Variants in KSR1 observed in about 807,000 individuals in gnomAD.
KSR1 encodes kinase suppressor of ras.
In KSR1, 35 loss-of-function variants were observed where a neutral mutation model predicts 92.9. The observed-to-expected ratio is 0.38, with a 90% CI of 0.29 to 0.50. KSR1 has a LOEUF of 0.50. KSR1 is among the 20% of genes least tolerant of loss of function. The pLI is 0.94. For synonymous variants in KSR1, 467 were observed against 472.6 expected, an observed-to-expected ratio of 0.99 and a Z score of 0.15; for missense variants, 972 against 1,158.5, an observed-to-expected ratio of 0.84 and a Z score of 2.34.
chr17:27,488,090 C>T (rs912199215), intron 1 of KSR1, among the ~76,000 whole-genome samples: 1 of 152,216 alleles, frequency 6.6e-6, no homozygotes, highest in African/African-American at 2.4e-5. Flanking sequence ...TTCATAACAG[C>T]TTTTAGAGAT....
chr17:27,456,660 T>C lies in KSR1; in HGVS notation c.17T>C (p.Leu6Pro). 1.6e-6 allele frequency: 1 copy of C among 644,144 alleles called. No individual in the cohort carries two copies. Among genetic ancestry groups the C allele is most frequent in the Admixed American group, 2.8e-5 (1 of 36,138 alleles). The allele number at this position is 644,144 out of a possible 1,614,324, so 39.9% of individuals were successfully genotyped here. A position where few individuals can be genotyped will look rare whatever the true frequency, so the allele number is the denominator to read the frequency against. ...TGCCGAGGCATGGATAGAGCAGCGC[T>C]GCGCGCGGCGGCGATGGGAGAGAAG... is the stretch of plus-strand genomic sequence containing the variant. MDRAA[L>P]RAAAMGEKKE... The change falls in exon 1 of 21, where the codon CTG becomes CCG. Residue 6 changes from leucine (L) to proline (P), a missense_variant. Coordinates refer to ENST00000644974, the MANE Select transcript of KSR1 (RefSeq NM_001394583.1).
At chr17:27,493,495 C>T (rs780684302) in intron 1 of KSR1, among the ~76,000 whole-genome samples, 5 of 152,292 alleles carry the variant, frequency 3.3e-5, no homozygotes, top group East Asian at 3.9e-4. Context: ...TGACCCTGCC[C>T]CGTGGTGCTC....
chr17:27,603,615 G>A (rs1188943769), intron 11 of KSR1, among the ~76,000 whole-genome samples: 1 of 152,186 alleles, frequency 6.6e-6, no homozygotes, highest in African/African-American at 2.4e-5. Flanking sequence ...CCCTTCCTGA[G>A]ACACAGCTGT....
In KSR1 at chr17:27,582,960, C is replaced by G. The variant is rs764316477; in HGVS notation, c.835C>G (p.Arg279Gly). The change falls in exon 4 of 21, where the codon CGG becomes GGG. Residue 279 changes from arginine (R) to glycine (G), a missense_variant. Physicochemically the swap from Arg to Gly is moderately radical, Grantham distance 125 (BLOSUM62 -2). This residue lies in a region of KSR1 where 611 missense variants were observed against 668.0 expected (regional missense o/e 0.91). Transcript: ENST00000644974. ...ITPPTTPQLRRHTKLKPPRTP... is the reference protein window; with the variant it reads ...ITPPTTPQLRGHTKLKPPRTP... ...CCCGCCCACCACACCCCAGCTGCGA[C>G]GGCACACCAAGCTGAAGCCACCACG... The G allele has an allele frequency of 7.5e-6, 12 of 1,607,344 alleles. No individual in the cohort carries two copies. The highest frequency in any genetic ancestry group is 1.0e-5 in the Non-Finnish European group (12 of 1,176,646).
At position 27,508,709 on chromosome 17, in the gene KSR1, T is replaced by TTTTTTTTATTTATTTA. The variant is rs1555572323; in HGVS notation, c.232-41856_232-41855insTTTTATTTATTTATTT. On this transcript the variant is annotated intron_variant, in intron 1 of 20. Coordinates refer to ENST00000644974, the MANE Select transcript of KSR1 (RefSeq NM_001394583.1). The stretch of plus-strand genomic sequence containing the variant: ...TTTCCTAGGTTTGGGCCTGAATTTT[T>TTTTTTTTATTTATTTA]TTTATTTATTTATTTATTTATTTAT... Among the ~76,000 whole-genome samples the TTTTTTTTATTTATTTA allele has an allele frequency of 3.1e-4, 43 of 138,332 alleles. 1 individual carries two copies. Among genetic ancestry groups the TTTTTTTTATTTATTTA allele is most frequent in the South Asian group, 2.2e-3 (9 of 4,116 alleles). The allele number at this position is 138,332 out of a possible 152,430, so 90.8% of individuals were successfully genotyped here.
At chr17:27,466,204 C>T (rs1178421634) in intron 1 of KSR1, among the ~76,000 whole-genome samples, 3 of 152,238 alleles carry the variant, frequency 2.0e-5, no homozygotes, top group African/African-American at 7.2e-5. Context: ...ACTGTTGGCT[C>T]ACTTACAACC....
chr17:27,471,028 C>T (rs1030669500), intron 1 of KSR1, among the ~76,000 whole-genome samples: 1 of 152,020 alleles, frequency 6.6e-6, no homozygotes, highest in Non-Finnish European at 1.5e-5. Flanking sequence ...GCACACTACA[C>T]CCAGCTAATT....
chr17:27,614,195 ATTACCT>A (rs2073996036), intron 18 of KSR1, among the ~76,000 whole-genome samples: 1 of 152,226 alleles, frequency 6.6e-6, no homozygotes, highest in Non-Finnish European at 1.5e-5. Flanking sequence ...TATTATGCTC[ATTACCT>A]CAAATCATTA....
intron 1 of KSR1, among the ~76,000 whole-genome samples, chr17:27,539,667 G>A (rs1032885770): frequency 6.6e-6 from 1 of 152,212 alleles, no homozygotes; most frequent in African/African-American, 2.4e-5. Context: ...GCACAGGGGA[G>A]TTAGGGGGTA....
At chr17:27,602,601 G>A (rs540427312) in intron 11 of KSR1, among the ~76,000 whole-genome samples, 7 of 152,308 alleles carry the variant, frequency 4.6e-5, no homozygotes, top group Admixed American at 4.6e-4. Flanking sequence ...TCCCATCTGG[G>A]GTTTGGGGAG....
At chr17:27,611,403 G>C in intron 17 of KSR1, 91 bp from the exon 18 acceptor site, 2 of 1,553,852 alleles carry the variant, frequency 1.3e-6, no homozygotes, top group Non-Finnish European at 1.8e-6. Flanking sequence ...GAAGGGTCCT[G>C]ATCCTCTGGC....
At position 27,559,718 on chromosome 17, in the gene KSR1, T is replaced by A. The variant is rs542158737; in HGVS notation, c.372+9010T>A. On this transcript the variant is annotated intron_variant, in intron 2 of 20. Coordinates refer to ENST00000644974, the MANE Select transcript of KSR1 (RefSeq NM_001394583.1). This position sits in a 1 kb window ranked among gnomAD's most constrained non-coding sequence, Gnocchi z 4.2. ...TTGGAGCCAGTGGGCCAACTCATCC[T>A]GGGTAGTCAGGGAAAGACGGATGTC... Among the ~76,000 whole-genome samples, 10 of 152,210 alleles carry A rather than the reference T, an allele frequency of 6.6e-5. No individual in the cohort carries two copies. The highest frequency in any genetic ancestry group is 2.2e-4 in the African/African-American group (9 of 41,448).
intron 1 of KSR1, among the ~76,000 whole-genome samples, chr17:27,486,861 C>T (rs1318516220): frequency 1.3e-5 from 2 of 152,216 alleles, no homozygotes; most frequent in Non-Finnish European, 2.9e-5. Flanking sequence ...GTCTACCACT[C>T]ACTTGCTGGG....
At chr17:27,529,751 A>G (rs942173520) in intron 1 of KSR1, among the ~76,000 whole-genome samples, 2 of 152,204 alleles carry the variant, frequency 1.3e-5, no homozygotes, top group Non-Finnish European at 2.9e-5. Flanking sequence ...TCAAGACCCA[A>G]TTCAAAGCTC....
chr17:27,555,095 T>G (rs193043690), intron 2 of KSR1, among the ~76,000 whole-genome samples: 67 of 152,262 alleles, frequency 4.4e-4, no homozygotes, highest in Non-Finnish European at 4.4e-5. Context: ...CACCGCATGG[T>G]TTACATTATT....
chr17:27,595,394 C>T (rs1205149258), intron 9 of KSR1, among the ~76,000 whole-genome samples: 3 of 152,252 alleles, frequency 2.0e-5, no homozygotes, highest in Non-Finnish European at 2.9e-5. Flanking sequence ...CACACTCCCA[C>T]CTTTGTGATG....
chr17:27,535,869 G>C (rs1443868163), intron 1 of KSR1, among the ~76,000 whole-genome samples: 1 of 152,230 alleles, frequency 6.6e-6, no homozygotes, highest in Non-Finnish European at 1.5e-5. Context: ...GCTGGTAGGA[G>C]TCAGGGCTGA....
At position 27,459,102 on chromosome 17, in the gene KSR1, A is replaced by G. The variant is rs956791145; in HGVS notation, c.231+2228A>G. On this transcript the variant is annotated intron_variant, in intron 1 of 20. Coordinates refer to ENST00000644974, the MANE Select transcript of KSR1 (RefSeq NM_001394583.1). This position sits in a 1 kb window ranked among gnomAD's most constrained non-coding sequence, Gnocchi z 4.6. The stretch of plus-strand genomic sequence containing the variant: ...CTTTGCCATAGGAGCAGCGTGGTGA[A>G]TAGGAAGCCCCATGGCTTTCATACT... 1.3e-5 allele frequency among the ~76,000 whole-genome samples: 2 copies of G among 152,158 alleles called. No individual in the cohort carries two copies. The highest frequency in any genetic ancestry group is 2.1e-4 in the South Asian group (1 of 4,834).
chr17:27,457,007 C>G (rs2019204753), intron 1 of KSR1, 133 bp downstream of exon 1: 1 of 652,540 alleles, frequency 1.5e-6, no homozygotes, highest in Admixed American at 2.5e-5. Flanking sequence ...CCCTCCTGCA[C>G]TCGCTGATGC....
Sources: gnomAD v4.1 joint callset for allele counts (sites outside exome capture counted in the v4.1 genomes callset) on GRCh38, gnomAD v4.1.1 for gene constraint, gnomAD v4.1.1 regional missense constraint, Gnocchi (gnomAD v3.1) non-coding constraint, MANE v1.5 for transcripts, NCBI Gene and HGNC (gene_info 2026-07-23, HGNC 2026-07-21) for gene names.